ANK3: variants seen among roughly 807,000 people sequenced by gnomAD.
ANK3 encodes ankyrin 3.
A neutral mutation model predicts 370.9 loss-of-function variants in ANK3; 57 were observed. The observed-to-expected ratio is 0.15, with a 90% CI of 0.12 to 0.19. The LOEUF is 0.19. Ranked by LOEUF, ANK3 falls within the 10% of genes least tolerant of loss-of-function variation. ANK3 has a pLI of 1.00. For synonymous variants in ANK3, 1,929 were observed against 1,946.3 expected, an observed-to-expected ratio of 0.99 and a Z score of 0.23; for missense variants, 4,439 against 5,302.1, an observed-to-expected ratio of 0.84 and a Z score of 5.06.
rs776176499 is a variant in ANK3 at position 60,056,009 on chromosome 10, G to A, written c.12714C>T (p.Thr4238=). ...DSPDQCRDSI[T]SYLKGEAGKF... is the part of the protein sequence containing the mutation. ...TGCCAGCTTCTCCTTTGAGATATGA[G>A]GTAATGGAATCTCTACACTGGTCAG... Residue 4238 remains threonine (T), a synonymous_variant, in exon 42 of 44, where the codon ACC becomes ACT. Coordinates refer to ENST00000280772, the MANE Select transcript of ANK3 (RefSeq NM_020987.5). 2 of 1,613,300 alleles carry A rather than the reference G, an allele frequency of 1.2e-6. No homozygotes were observed. The highest frequency in any genetic ancestry group is 1.1e-5 in the South Asian group (1 of 91,026).
Position 60,073,418 on chromosome 10 carries a change from G to T in ANK3, c.7463C>A (p.Ala2488Glu). 1 of 1,613,828 alleles carries T rather than the reference G, an allele frequency of 6.2e-7. No homozygotes were observed. Among genetic ancestry groups the T allele is most frequent in the African/African-American group, 1.3e-5 (1 of 75,000 alleles). The change falls in exon 37 of 44, where the codon GCA becomes GAA. Residue 2488 changes from alanine (A) to glutamate (E), a missense_variant. Ala to Glu is a moderately radical substitution (Grantham distance 107, BLOSUM62 -1). Transcript: ENST00000280772. Reference sequence around the variant, plus strand: ...CTGTAACTCTGAGCTAGGGGGTCCTGCATGGTCTGTAACCGATTCCTCAGT... The same window carrying T: ...CTGTAACTCTGAGCTAGGGGGTCCTTCATGGTCTGTAACCGATTCCTCAGT... ...SDTEESVTDH[A>E]GPPSSELQGS...
chr10:60,176,210 A>G (rs1427303647), intron 18 of ANK3, among the ~76,000 whole-genome samples: 3 of 151,132 alleles, frequency 2.0e-5, no homozygotes, highest in East Asian at 1.9e-4. Flanking sequence ...AAAAAACAAA[A>G]AACAATTAGC....
At chr10:60,559,794 ATTAGT>A (rs1371735003) in intron 2 of ANK3, among the ~76,000 whole-genome samples, 1 of 152,240 alleles carries the variant, frequency 6.6e-6, no homozygotes, top group African/African-American at 2.4e-5. Context: ...ATATTGACAC[ATTAGT>A]TTAATACAAC....
At chr10:60,249,833 C>T (rs1005573756) in intron 7 of ANK3, among the ~76,000 whole-genome samples, 9 of 152,260 alleles carry the variant, frequency 5.9e-5, no homozygotes, top group East Asian at 1.9e-4. Flanking sequence ...CTGACTCTCC[C>T]CACAACCCAG....
chr10:60,034,839 C>G (rs978881433), intron 43 of ANK3, among the ~76,000 whole-genome samples: 1 of 152,150 alleles, frequency 6.6e-6, no homozygotes, highest in African/African-American at 2.4e-5. Context: ...AAATCATGGA[C>G]TAAGACTTTT....
At chr10:60,564,777 T>A (rs192854107) in intron 2 of ANK3, among the ~76,000 whole-genome samples, 1 of 152,198 alleles carries the variant, frequency 6.6e-6, no homozygotes, top group Non-Finnish European at 1.5e-5. Flanking sequence ...TTACGAAGTC[T>A]ACCCTTAGAA....
At chr10:60,394,562 A>C (rs2063176553), upstream of ANK3, among the ~76,000 whole-genome samples, 1 of 152,190 alleles carries the variant, frequency 6.6e-6, no homozygotes, top group Admixed American at 6.5e-5. Flanking sequence ...TCACATGGGC[A>C]GACAGGAACA....
At chr10:60,606,600 C>T (rs948802984) in intron 2 of ANK3, among the ~76,000 whole-genome samples, 5 of 152,070 alleles carry the variant, frequency 3.3e-5, no homozygotes, top group African/African-American at 1.2e-4. Context: ...AACTGTAAGC[C>T]TTTGTTTGGC....
intron 1 of ANK3, among the ~76,000 whole-genome samples, chr10:60,371,223 C>T (rs1052044393): frequency 3.9e-5 from 6 of 152,040 alleles, no homozygotes; most frequent in African/African-American, 1.2e-4. Context: ...ATAAGATCTC[C>T]AAAAGAAGAC....
At chr10:60,382,291 T>G (rs1183535120) in intron 1 of ANK3, among the ~76,000 whole-genome samples, 1 of 152,132 alleles carries the variant, frequency 6.6e-6, no homozygotes, top group Non-Finnish European at 1.5e-5. Flanking sequence ...TAGACTTTTT[T>G]TCTTCTGCCA....
At chr10:60,494,813 A>T (rs1297524052) in intron 2 of ANK3, among the ~76,000 whole-genome samples, 1 of 152,224 alleles carries the variant, frequency 6.6e-6, no homozygotes, top group Non-Finnish European at 1.5e-5. Context: ...TATGAATGAC[A>T]TAGCACAGAT....
intron 27 of ANK3, among the ~76,000 whole-genome samples, chr10:60,107,113 C>T (rs1015595668): frequency 6.6e-6 from 1 of 151,898 alleles, no homozygotes; most frequent in Non-Finnish European, 1.5e-5. Context: ...TTGCTTCAAA[C>T]GGGGATGATA....
intron 1 of ANK3, among the ~76,000 whole-genome samples, chr10:60,309,901 ATTTCT>A (rs1327295160): frequency 4.0e-5 from 6 of 150,624 alleles, no homozygotes; most frequent in African/African-American, 7.3e-5. Context: ...AGTGAAATCA[ATTTCT>A]TTTCTTTTCT....
chr10:60,673,403 T>A (rs1320252248), intron 1 of ANK3, among the ~76,000 whole-genome samples: 1 of 152,076 alleles, frequency 6.6e-6, no homozygotes, highest in Non-Finnish European at 1.5e-5. Flanking sequence ...CAGGTTGGAG[T>A]GCAATGGTGC....
Position 60,675,140 on chromosome 10 carries a change from T to A in ANK3, c.57+58123A>T, listed in dbSNP as rs182722580. The stretch of plus-strand genomic sequence containing the variant: ...TGAGCATAAAACATTCAGGTCAAGT[T>A]TTATGTTTTTACATATTTAAGTAAC... On this transcript the variant is annotated intron_variant, in intron 1 of 43. Coordinates refer to the ANK3 transcript ENST00000373827. 3.7e-3 allele frequency among the ~76,000 whole-genome samples: 571 copies of A among 152,340 alleles called. 3 individuals are homozygous for A. Among genetic ancestry groups the A allele is most frequent in the African/African-American group, 0.013 (535 of 41,576 alleles).
chr10:60,187,134 A>AT (rs373365875), intron 16 of ANK3, among the ~76,000 whole-genome samples: 2 of 144,840 alleles, frequency 1.4e-5, no homozygotes, highest in South Asian at 2.2e-4. Context: ...TGGACATTTT[A>AT]TTTATTTTAT....
At chr10:60,082,281 G>T in intron 34 of ANK3, 105 bp from the exon 35 acceptor site, 2 of 1,036,558 alleles carry the variant, frequency 1.9e-6, no homozygotes, top group Non-Finnish European at 1.4e-6. Context: ...ACAAATGCAA[G>T]CTGATTTAGA....
At chr10:60,310,567 G>A (rs2046134558) in intron 1 of ANK3, among the ~76,000 whole-genome samples, 1 of 152,202 alleles carries the variant, frequency 6.6e-6, no homozygotes, top group Non-Finnish European at 1.5e-5. Flanking sequence ...AAAAATGCAT[G>A]TATTAACAAA....
chr10:60,725,304 A>G (rs2079926058), intron 1 of ANK3, among the ~76,000 whole-genome samples: 1 of 152,060 alleles, frequency 6.6e-6, no homozygotes, highest in Non-Finnish European at 1.5e-5. Flanking sequence ...AGCAATGCTC[A>G]CTCAGTTACC....
Sources: gnomAD v4.1 joint callset for allele counts (sites outside exome capture counted in the v4.1 genomes callset) on GRCh38, gnomAD v4.1.1 for gene constraint, MANE v1.5 for transcripts, NCBI Gene and HGNC (gene_info 2026-07-23, HGNC 2026-07-21) for gene names.